The following NEK6 variants were observed in gnomAD, a reference collection of about 807,000 sequenced individuals.
NEK6 encodes the protein NIMA related kinase 6.
In NEK6, 27 loss-of-function variants were observed where a neutral mutation model predicts 43.5. That is an observed-to-expected ratio of 0.62 (90% CI 0.46 to 0.86). The LOEUF (loss-of-function observed/expected upper bound fraction) is 0.86. NEK6 is among the 40% of genes least tolerant of loss of function. NEK6 has a pLI of 0.00. For missense variants in NEK6, 318 were observed against 414.4 expected (o/e 0.77, Z 2.02); for synonymous variants, 167 against 164.1 (o/e 1.02, Z -0.14).
At chr9:124,302,089 G>A (rs765603840) in intron 2 of NEK6, 35 bp downstream of exon 2, 2 of 1,472,120 alleles carry the variant, frequency 1.4e-6, no homozygotes, top group Non-Finnish European at 1.9e-6. Context: ...GCACACTGAA[G>A]AGTTCCCAAG....
At position 124,258,058 on chromosome 9, in the gene NEK6, A is replaced by C. The variant is rs1423100260; in HGVS notation, c.-57A>C. 1 of 978,626 alleles carries C rather than the reference A, an allele frequency of 1.0e-6. No individual in the cohort carries two copies. The highest frequency in any genetic ancestry group is 1.8e-5 in the African/African-American group (1 of 56,352). 60.6% of individuals were successfully genotyped at this position (978,626 alleles called of 1,614,324 possible). ...CCGCGGGCCAGCGCACCGGTCCCCC[A>C]GCGGCAGCCGAGCCCGCCCGCGCGC... On this transcript the variant is annotated 5_prime_UTR_variant, in exon 1 of 10. Coordinates refer to ENST00000320246, the MANE Select transcript of NEK6 (RefSeq NM_014397.6).
At chr9:124,332,555 G>A (rs1037559416) in intron 7 of NEK6, among the ~76,000 whole-genome samples, 1 of 152,178 alleles carries the variant, frequency 6.6e-6, no homozygotes. Flanking sequence ...ATGTCCCGCC[G>A]GCTGGACGGA....
intron 1 of NEK6, among the ~76,000 whole-genome samples, chr9:124,300,684 C>T (rs564078956): frequency 1.3e-5 from 2 of 152,274 alleles, no homozygotes; most frequent in Admixed American, 1.3e-4. Flanking sequence ...AGACAAAACC[C>T]GCTGACCGCG....
At chr9:124,322,170 T>A (rs1834098875) in intron 5 of NEK6, among the ~76,000 whole-genome samples, 1 of 152,166 alleles carries the variant, frequency 6.6e-6, no homozygotes, top group Non-Finnish European at 1.5e-5. Context: ...TTGGTGGACA[T>A]GGTCCCAAGA....
chr9:124,270,925 C>G (rs938541362), intron 1 of NEK6, among the ~76,000 whole-genome samples: 3 of 152,256 alleles, frequency 2.0e-5, no homozygotes, highest in African/African-American at 7.2e-5. Flanking sequence ...GCCAGGTCAC[C>G]TGGACATGAA....
chr9:124,338,576 G>A (rs1452484193), intron 7 of NEK6, among the ~76,000 whole-genome samples: 2 of 152,194 alleles, frequency 1.3e-5, no homozygotes, highest in East Asian at 1.9e-4. Flanking sequence ...CCTTACACAC[G>A]TTTCCTTTTT....
intron 1 of NEK6, among the ~76,000 whole-genome samples, chr9:124,279,908 G>C (rs943827939): frequency 1.3e-5 from 2 of 152,228 alleles, no homozygotes; most frequent in Non-Finnish European, 2.9e-5. Context: ...CCACTCCTGT[G>C]TCCCCAACCC....
At chr9:124,290,024 G>A (rs1832341091) in intron 1 of NEK6, among the ~76,000 whole-genome samples, 1 of 152,250 alleles carries the variant, frequency 6.6e-6, no homozygotes, top group Non-Finnish European at 1.5e-5. Flanking sequence ...CTGGTAAGGA[G>A]AGCGACACAG....
intron 8 of NEK6, among the ~76,000 whole-genome samples, chr9:124,341,112 G>A (rs1829593035): frequency 1.3e-5 from 2 of 152,028 alleles, no homozygotes; most frequent in African/African-American, 4.8e-5. Context: ...GCGCAATCTC[G>A]GCTCACTGCG....
intron 7 of NEK6, among the ~76,000 whole-genome samples, chr9:124,330,987 G>A (rs1024363856): frequency 1.3e-5 from 2 of 152,162 alleles, no homozygotes; most frequent in Non-Finnish European, 2.9e-5. Flanking sequence ...CGTTGGCCAG[G>A]CGTGGTGGCT....
At chr9:124,339,089 C>T (rs543882423) in intron 7 of NEK6, among the ~76,000 whole-genome samples, 43 of 141,262 alleles carry the variant, frequency 3.0e-4, no homozygotes, top group Non-Finnish European at 5.0e-4. Flanking sequence ...AGTGCAGTGG[C>T]GCAATCTTGG....
chr9:124,317,770 A>G (rs1183138299), intron 4 of NEK6, among the ~76,000 whole-genome samples: 2 of 152,228 alleles, frequency 1.3e-5, no homozygotes, highest in African/African-American at 2.4e-5. Context: ...AAGTGAGAAC[A>G]TGCAGTATAG....
intron 4 of NEK6, among the ~76,000 whole-genome samples, chr9:124,317,699 G>A (rs1833885513): frequency 6.6e-6 from 1 of 152,170 alleles, no homozygotes; most frequent in Admixed American, 6.5e-5. Flanking sequence ...GTAGAGCCCA[G>A]TGTGTCTACT....
At chr9:124,350,763 C>T (rs1830225443) in intron 9 of NEK6, 74 bp from the exon 10 acceptor site, 3 of 1,038,126 alleles carry the variant, frequency 2.9e-6, no homozygotes, top group Non-Finnish European at 1.5e-6. Flanking sequence ...TGCCTTCATG[C>T]AGACAGACTG....
At chr9:124,333,225 T>G (rs1388511107) in intron 7 of NEK6, among the ~76,000 whole-genome samples, 1 of 152,248 alleles carries the variant, frequency 6.6e-6, no homozygotes, top group Non-Finnish European at 1.5e-5. Context: ...CATTGTGCTC[T>G]GTAGTGTCTG....
Position 124,343,247 on chromosome 9 carries a change from A to ATCGC in NEK6, c.717+3583_717+3586dup, listed in dbSNP as rs1829743717. Among the ~76,000 whole-genome samples the ATCGC allele has an allele frequency of 8.4e-6, 1 of 118,912 alleles. No homozygotes were observed. Among genetic ancestry groups the ATCGC allele is most frequent in the South Asian group, 3.0e-4 (1 of 3,302 alleles). The allele number at this position is 118,912 out of a possible 152,430, so 78.0% of individuals were successfully genotyped here. Reference sequence around the variant, plus strand: ...CAGCCGGGGGGCGGTGAGGGGACGGATCGCAGCCGGGGGGTGGTACGGGGG... The same window carrying ATCGC: ...CAGCCGGGGGGCGGTGAGGGGACGGATCGCTCGCAGCCGGGGGGTGGTACGGGGG... On this transcript the variant is annotated intron_variant, in intron 8 of 9. Transcript: ENST00000320246. The surrounding 1 kb of genome is among the most constrained non-coding windows in gnomAD (Gnocchi z 5.1).
chr9:124,309,526 A>C (rs917809861), intron 2 of NEK6, among the ~76,000 whole-genome samples: 6 of 152,016 alleles, frequency 3.9e-5, no homozygotes, highest in African/African-American at 1.5e-4. Flanking sequence ...GAGGGAGCCC[A>C]CCCCCATCAC....
At chr9:124,312,479 C>A (rs1458124403) in intron 2 of NEK6, 30 bp from the exon 3 acceptor site, 2 of 1,603,702 alleles carry the variant, frequency 1.2e-6, no homozygotes, top group Non-Finnish European at 1.7e-6. Context: ...AGCCTGGCTG[C>A]TCACGGAGGC....
intron 1 of NEK6, among the ~76,000 whole-genome samples, chr9:124,264,415 C>T (rs539964820): frequency 1.3e-5 from 2 of 152,314 alleles, no homozygotes; most frequent in East Asian, 3.9e-4. Context: ...GGCACCAGCC[C>T]CGTGATCCTC....
Sources: allele counts gnomAD v4.1 joint callset (sites outside exome capture counted in the v4.1 genomes callset), GRCh38; gene constraint gnomAD v4.1.1; non-coding constraint Gnocchi (gnomAD v3.1); transcripts MANE v1.5; gene names NCBI Gene and HGNC (gene_info 2026-07-23, HGNC 2026-07-21).